The following ETFRF1 variants were observed in gnomAD, a reference collection of about 807,000 sequenced individuals.
ETFRF1 encodes the protein LYR motif containing 5.
Under a neutral mutation model 9.0 loss-of-function variants are expected in ETFRF1, and 12 were observed. The ratio of observed to expected loss-of-function variants is 1.34; its 90% CI spans 0.86 to 2.16. The LOEUF (loss-of-function observed/expected upper bound fraction) is 2.16, where lower values mean the gene tolerates loss of function less well. Among genes scored for constraint, ETFRF1 ranks in the 30% most tolerant of loss-of-function variants. The pLI is 0.00. For missense variants in ETFRF1, 98 were observed against 101.8 expected (o/e 0.96, Z 0.16); for synonymous variants, 34 against 33.2 (o/e 1.02, Z -0.08).
chr12:25,203,799 A>C, intron 1 of ETFRF1, 121 bp from the exon 2 acceptor site: 1 of 569,112 alleles, frequency 1.8e-6, no homozygotes, highest in Non-Finnish European at 2.9e-6. Flanking sequence ...GGAACGAAAA[A>C]GTTATCAAGA....
rs748517864 is a variant in ETFRF1 at position 25,204,155 on chromosome 12, T to C, written c.116T>C (p.Ile39Thr). 1.4e-5 allele frequency: 22 copies of C among 1,612,388 alleles called. No individual in the cohort carries two copies. Among genetic ancestry groups the C allele is most frequent in the African/African-American group, 9.3e-5 (7 of 74,902 alleles). The change falls in exon 3 of 3, where the codon ATT (isoleucine) becomes ACT (threonine). Residue 39 changes from isoleucine (I) to threonine (T), a missense_variant. By Grantham distance (89) the Ile-to-Thr change is moderately conservative. Coordinates refer to ENST00000381356, the MANE Select transcript of ETFRF1 (RefSeq NM_001001660.3). The part of the protein sequence containing the change: ...ADYFKKRLKN[I>T]FLKNKDVKNP... ...TATTTTAAAAAGCGTTTGAAGAACA[T>C]TTTCCTTAAAAACAAAGATGTGAAG...
chr12:25,204,874 T>C lies in ETFRF1; in HGVS notation c.*562T>C, dbSNP rs374225757. On this transcript the variant is annotated 3_prime_UTR_variant, in exon 3 of 3. Coordinates refer to ENST00000381356, the MANE Select transcript of ETFRF1 (RefSeq NM_001001660.3). Reference sequence around the variant, plus strand: ...GACCTTGAAATAGCCTGCTGGTGACTGGCATTAACATACATAACTAACTAT... The same window carrying C: ...GACCTTGAAATAGCCTGCTGGTGACCGGCATTAACATACATAACTAACTAT... 2.5e-5 allele frequency: 5 copies of C among 198,880 alleles called. No homozygotes were observed. The highest frequency in any genetic ancestry group is 1.1e-4 in the African/African-American group (5 of 43,480). The allele number at this position is 198,880 out of a possible 1,614,324, so 12.3% of individuals were successfully genotyped here. A position where few individuals can be genotyped will look rare whatever the true frequency, so the allele number is the denominator to read the frequency against.
chr12:25,196,940 G>A (rs192927940), intron 1 of ETFRF1, among the ~76,000 whole-genome samples: 1 of 152,262 alleles, frequency 6.6e-6, no homozygotes, highest in African/African-American at 2.4e-5. Context: ...GGATCACGAG[G>A]TCTGGAGATG....
chr12:25,199,615 T>TACACAC (rs769056865), intron 1 of ETFRF1, among the ~76,000 whole-genome samples: 18 of 111,292 alleles, frequency 1.6e-4, no homozygotes, highest in South Asian at 2.7e-4. Context: ...CATATATGTA[T>TACACAC]ACATACACAC....
chr12:25,203,982 G>GAGA lies in ETFRF1; in HGVS notation c.29_31dup (p.Glu10dup), dbSNP rs1400175454. On this transcript the variant is annotated inframe_insertion, in exon 2 of 3. Transcript: ENST00000381356. ...ATGAAAATGGCCAATTCTTTAAGAG[G>GAGA]AGAAGTACTAAAACTTTATAAAAAT... 1.3e-6 allele frequency: 2 copies of GAGA among 1,492,840 alleles called. No individual in the cohort carries two copies. The highest frequency in any genetic ancestry group is 2.5e-5 in the East Asian group (1 of 40,418). 92.5% of individuals were successfully genotyped at this position (1,492,840 alleles called of 1,614,324 possible).
chr12:25,202,085 TAGCC>T (rs1951078948), intron 1 of ETFRF1, among the ~76,000 whole-genome samples: 1 of 25,900 alleles, frequency 3.9e-5, no homozygotes, highest in African/African-American at 7.4e-5. Context: ...AAAAAAAAAT[TAGCC>T]AGGCGTGGTG....
chr12:25,197,410 A>T (rs562008837), intron 1 of ETFRF1, among the ~76,000 whole-genome samples: 1 of 152,318 alleles, frequency 6.6e-6, no homozygotes, highest in East Asian at 1.9e-4. Context: ...AATTACATCT[A>T]TGTATATTTA....
At chr12:25,203,769 A>ATAAC in intron 1 of ETFRF1, 151 bp from the exon 2 acceptor site, 1 of 461,084 alleles carries the variant, frequency 2.2e-6, no homozygotes, top group Non-Finnish European at 3.8e-6. Flanking sequence ...GGAAGTGTTT[A>ATAAC]TAACTATATC....
chr12:25,201,093 A>G (rs1951069977), intron 1 of ETFRF1, among the ~76,000 whole-genome samples: 1 of 152,154 alleles, frequency 6.6e-6, no homozygotes, highest in East Asian at 1.9e-4. Flanking sequence ...AACTGAGGAC[A>G]CTCATTTTTA....
chr12:25,201,498 T>C (rs1409094433), intron 1 of ETFRF1, among the ~76,000 whole-genome samples: 2 of 152,102 alleles, frequency 1.3e-5, no homozygotes, highest in Non-Finnish European at 2.9e-5. Context: ...GCTATCTTGG[T>C]AGAGATGGGG....
At chr12:25,197,324 C>G (rs2141465824) in intron 1 of ETFRF1, among the ~76,000 whole-genome samples, 1 of 152,314 alleles carries the variant, frequency 6.6e-6, no homozygotes, top group East Asian at 1.9e-4. Context: ...TCCCTGAAAG[C>G]TTTCACAAGT....
In ETFRF1 at chr12:25,195,240, G is replaced by A; in HGVS notation, c.-135G>A. 2.7e-6 allele frequency: 2 copies of A among 748,900 alleles called. No individual in the cohort carries two copies. The highest frequency in any genetic ancestry group is 4.6e-6 in the Non-Finnish European group (2 of 431,972). The allele number at this position is 748,900 out of a possible 1,614,324, so 46.4% of individuals were successfully genotyped here. ...CGGCCGGCGCCCCGCCCCCTTTACT[G>A]ACAGGTTGCCCACCTCCCCCAACGC... On this transcript the variant is annotated 5_prime_UTR_variant, in exon 1 of 3. Coordinates refer to ENST00000381356, the MANE Select transcript of ETFRF1 (RefSeq NM_001001660.3).
chr12:25,198,546 G>C (rs1171018137), intron 1 of ETFRF1, among the ~76,000 whole-genome samples: 1 of 152,048 alleles, frequency 6.6e-6, no homozygotes. Flanking sequence ...AAGCAGAAAA[G>C]CAATTTGAAG....
intron 1 of ETFRF1, among the ~76,000 whole-genome samples, chr12:25,200,769 G>C (rs1237440876): frequency 6.6e-6 from 1 of 152,152 alleles, no homozygotes; most frequent in Non-Finnish European, 1.5e-5. Flanking sequence ...CCAGGAAATG[G>C]AACACTTTGG....
chr12:25,195,350 C>T lies in ETFRF1; in HGVS notation c.-38+13C>T. 1 of 594,592 alleles carries T rather than the reference C, an allele frequency of 1.7e-6. No individual in the cohort carries two copies. Among genetic ancestry groups the T allele is most frequent in the Admixed American group, 3.0e-5 (1 of 33,610 alleles). The allele number at this position is 594,592 out of a possible 1,614,324, so 36.8% of individuals were successfully genotyped here. ...GGCGTGCCGGAAAGTGCGTGAGTGCCGCCGCCGGGGAGTTTTGTTCCATTT... is the reference window on the plus strand; with the variant it reads ...GGCGTGCCGGAAAGTGCGTGAGTGCTGCCGCCGGGGAGTTTTGTTCCATTT... On this transcript the variant is annotated intron_variant, in intron 1 of 2. Coordinates refer to ENST00000381356, the MANE Select transcript of ETFRF1 (RefSeq NM_001001660.3).
rs1951103214 is a variant in ETFRF1 at position 25,204,124 on chromosome 12, G to A, written c.85G>A (p.Ala29Thr). 6.2e-7 allele frequency: 1 copy of A among 1,601,650 alleles called. No individual in the cohort carries two copies. Among genetic ancestry groups the A allele is most frequent in the African/African-American group, 1.3e-5 (1 of 74,850 alleles). ...TCTTGGACGAGACTATCCAAAAGGA[G>A]CAGACTATTTTAAAAAGCGTTTGAA... The part of the protein sequence containing the change: ...LYLGRDYPKG[A>T]DYFKKRLKNI... The change falls in exon 3 of 3, where the codon GCA becomes ACA. Residue 29 changes from alanine to threonine, a missense_variant. By Grantham distance (58) the Ala-to-Thr change is moderately conservative. Transcript: ENST00000381356.
chr12:25,197,908 C>T (rs932964519), intron 1 of ETFRF1, among the ~76,000 whole-genome samples: 1 of 152,084 alleles, frequency 6.6e-6, no homozygotes, highest in African/African-American at 2.4e-5. Flanking sequence ...TCCAAAACTA[C>T]TAAATCTACA....
intron 1 of ETFRF1, among the ~76,000 whole-genome samples, chr12:25,202,422 C>G (rs1290005265): frequency 6.6e-6 from 1 of 151,936 alleles, no homozygotes; most frequent in African/African-American, 2.4e-5. Flanking sequence ...GACTTGTGCA[C>G]AGCAGCAGCC....
rs377575380 is a variant in ETFRF1 at position 25,204,115 on chromosome 12, C to T, written c.76C>T (p.Pro26Ser). The T allele has an allele frequency of 1.3e-6, 2 of 1,595,210 alleles. No homozygotes were observed. Among genetic ancestry groups the T allele is most frequent in the Non-Finnish European group, 8.6e-7 (1 of 1,169,342 alleles). The change falls in exon 3 of 3, where the codon CCA becomes TCA. Residue 26 changes from proline to serine, a missense_variant. Pro to Ser is a moderately conservative substitution (Grantham distance 74, BLOSUM62 -1). Transcript: ENST00000381356. ...GCTGCTGTATCTTGGACGAGACTATCCAAAAGGAGCAGACTATTTTAAAAA... is the reference window on the plus strand; with the variant it reads ...GCTGCTGTATCTTGGACGAGACTATTCAAAAGGAGCAGACTATTTTAAAAA... ...KNLLYLGRDY[P>S]KGADYFKKRL...
Sources: gnomAD v4.1 joint callset for allele counts (sites outside exome capture counted in the v4.1 genomes callset) on GRCh38, gnomAD v4.1.1 for gene constraint, MANE v1.5 for transcripts, NCBI Gene and HGNC (gene_info 2026-07-23, HGNC 2026-07-21) for gene names.